NDRG4: variants seen among roughly 807,000 people sequenced by gnomAD.
NDRG4 encodes the protein NDRG family member 4, also known as protein NDRG4.
Under a neutral mutation model 55.8 loss-of-function variants are expected in NDRG4, and 38 were observed. That is an observed-to-expected ratio of 0.68 (90% CI 0.53 to 0.89). The LOEUF (loss-of-function observed/expected upper bound fraction) is 0.89. Among genes scored for constraint, NDRG4 ranks in the 40% least tolerant of loss-of-function variants. The pLI, the probability that NDRG4 is intolerant of heterozygous loss-of-function variation, is 0.00. For synonymous variants in NDRG4, 190 were observed against 182.7 expected, an observed-to-expected ratio of 1.04 and a Z score of -0.32; for missense variants, 455 against 468.6, an observed-to-expected ratio of 0.97 and a Z score of 0.27.
At chr16:58,508,936 T>G in intron 10 of NDRG4, 26 bp from the exon 11 acceptor site, 1 of 1,612,156 alleles carries the variant, frequency 6.2e-7, no homozygotes, top group South Asian at 1.1e-5. Context: ...CAGGGGCTGT[T>G]GCTGAAGCTG....
chr16:58,504,114 G>A (rs374509851), intron 2 of NDRG4, 40 bp from the exon 3 acceptor site: 30 of 1,611,404 alleles, frequency 1.9e-5, no homozygotes, highest in East Asian at 1.3e-4. Context: ...CCAGTCCCCC[G>A]GCCCCTCTGC....
intron 1 of NDRG4, 72 bp from the exon 2 acceptor site, chr16:58,503,726 C>A (rs1417214268): frequency 6.3e-7 from 1 of 1,599,048 alleles, no homozygotes; most frequent in East Asian, 2.3e-5. Context: ...TACCAGGCTG[C>A]GTCACCTCAT....
At chr16:58,473,494 C>T (rs2161695) in intron 1 of NDRG4, among the ~76,000 whole-genome samples, 56,697 of 151,826 alleles carry the variant, frequency 0.37, 10,696 homozygotes, top group African/African-American at 0.44. Flanking sequence ...CACCTGCCCA[C>T]GGGGAGCTCC....
At chr16:58,486,720 C>T (rs1025723160) in intron 1 of NDRG4, among the ~76,000 whole-genome samples, 2 of 143,566 alleles carry the variant, frequency 1.4e-5, no homozygotes, top group Admixed American at 6.9e-5. Context: ...CACACACACA[C>T]ACACACACAC....
chr16:58,464,383 C>A lies in NDRG4; in HGVS notation c.-24+586C>A. The A allele has an allele frequency of 7.3e-7, 1 of 1,367,734 alleles. No homozygotes were observed. Among genetic ancestry groups the A allele is most frequent in the Non-Finnish European group, 9.4e-7 (1 of 1,064,396 alleles). 84.7% of individuals were successfully genotyped at this position (1,367,734 alleles called of 1,614,324 possible). The stretch of plus-strand genomic sequence containing the variant: ...CTCCTCTCCCCGGCTCGGCCGAGCG[C>A]GCTGCCCCGACGCCGCCACCCAGAG... On this transcript the variant is annotated intron_variant, in intron 1 of 15. Coordinates refer to the NDRG4 transcript ENST00000258187. This position sits in a 1 kb window ranked among gnomAD's most constrained non-coding sequence, Gnocchi z 4.8.
At chr16:58,493,727 G>T (rs1251901089) in intron 2 of NDRG4, among the ~76,000 whole-genome samples, 1 of 152,238 alleles carries the variant, frequency 6.6e-6, no homozygotes, top group Admixed American at 6.5e-5. Context: ...CAGCCTCGCA[G>T]AGCGGGGCAG....
intron 10 of NDRG4, among the ~76,000 whole-genome samples, chr16:58,508,509 A>G (rs1204096382): frequency 6.6e-6 from 1 of 152,126 alleles, no homozygotes; most frequent in Non-Finnish European, 1.5e-5. Flanking sequence ...AGGGTCCAGA[A>G]GTGCCCAGAG....
At chr16:58,489,848 TTTTTC>T (rs1330722523) in intron 2 of NDRG4, among the ~76,000 whole-genome samples, 1 of 152,132 alleles carries the variant, frequency 6.6e-6, no homozygotes, top group African/African-American at 2.4e-5. Flanking sequence ...TCTTTCTTTT[TTTTTC>T]TTTTCTTCTG....
intron 1 of NDRG4, among the ~76,000 whole-genome samples, chr16:58,485,607 C>A (rs1220864229): frequency 6.6e-6 from 1 of 152,130 alleles, no homozygotes; most frequent in Non-Finnish European, 1.5e-5. Context: ...AGCCCCCACA[C>A]CCTGGATGGA....
At position 58,508,955 on chromosome 16, in the gene NDRG4, T is replaced by G; in HGVS notation, c.730-7T>G. 3 of 1,613,620 alleles carry G rather than the reference T, an allele frequency of 1.9e-6. No homozygotes were observed. Among genetic ancestry groups the G allele is most frequent in the Non-Finnish European group, 2.5e-6 (3 of 1,179,874 alleles). On this transcript the variant is annotated splice_polypyrimidine_tract_variant and splice_region_variant and intron_variant, in intron 10 of 14. Coordinates refer to ENST00000570248, the MANE Select transcript of NDRG4 (RefSeq NM_001242835.2). ...GGCTGTTGCTGAAGCTGGCTCCTTG[T>G]CCTCAGGTGGAGTGCAACTCCAAAC...
upstream of NDRG4, among the ~76,000 whole-genome samples, chr16:58,497,342 A>T (rs918996160): frequency 6.6e-6 from 1 of 152,140 alleles, no homozygotes; most frequent in Non-Finnish European, 1.5e-5. Flanking sequence ...AGAAGAAGAA[A>T]AAAAAAGAGG....
At chr16:58,473,284 G>A (rs891103071) in intron 1 of NDRG4, among the ~76,000 whole-genome samples, 4 of 151,594 alleles carry the variant, frequency 2.6e-5, no homozygotes, top group African/African-American at 4.9e-5. Context: ...CTCAGCCCCC[G>A]CCCCTAAGTA....
chr16:58,505,434 C>A (rs11647107), intron 5 of NDRG4, among the ~76,000 whole-genome samples: 15,880 of 103,176 alleles, frequency 0.15, 973 homozygotes, highest in East Asian at 0.28. Flanking sequence ...AAAAAAAAAA[C>A]AAAAACCCAA....
intron 1 of NDRG4, among the ~76,000 whole-genome samples, chr16:58,478,410 G>C (rs1035261378): frequency 2.6e-4 from 40 of 151,788 alleles, no homozygotes; most frequent in Non-Finnish European, 5.9e-5. Flanking sequence ...AAAGTGTCAA[G>C]GTTATAAAAG....
At chr16:58,506,005 A>G in intron 5 of NDRG4, 1 of 345,144 alleles carries the variant, frequency 2.9e-6, no homozygotes, top group Non-Finnish European at 5.5e-6. Context: ...TACAGGCGTG[A>G]GCCACGGCGC....
At chr16:58,467,745 C>T (rs996961625) in intron 1 of NDRG4, among the ~76,000 whole-genome samples, 5 of 152,160 alleles carry the variant, frequency 3.3e-5, no homozygotes, top group Non-Finnish European at 7.3e-5. Flanking sequence ...AAAATGGGAT[C>T]GTCGTGGTGC....
At chr16:58,497,247 G>A (rs1355800031), upstream of NDRG4, among the ~76,000 whole-genome samples, 6 of 152,136 alleles carry the variant, frequency 3.9e-5, no homozygotes, top group Non-Finnish European at 5.9e-5. Context: ...GCTTGAACCC[G>A]GGAGGCGGAG....
intron 2 of NDRG4, among the ~76,000 whole-genome samples, chr16:58,489,541 C>G (rs2035525021): frequency 6.6e-6 from 1 of 152,016 alleles, no homozygotes; most frequent in African/African-American, 2.4e-5. Context: ...GAGTCCCTCT[C>G]TAACCCCTGG....
At chr16:58,501,022 C>A in intron 1 of NDRG4, 1 of 1,245,926 alleles carries the variant, frequency 8.0e-7, no homozygotes, top group Non-Finnish European at 1.0e-6. Context: ...GTGAAGCTGG[C>A]AGGGCTAGGG....
Sources: gnomAD v4.1 joint callset for allele counts (sites outside exome capture counted in the v4.1 genomes callset) on GRCh38, gnomAD v4.1.1 for gene constraint, Gnocchi (gnomAD v3.1) non-coding constraint, MANE v1.5 for transcripts, NCBI Gene and HGNC (gene_info 2026-07-23, HGNC 2026-07-21) for gene names.